The following TTC28 variants were observed in gnomAD, a reference collection of about 807,000 sequenced individuals.
TTC28 encodes the protein tetratricopeptide repeat protein 28.
In TTC28, 61 loss-of-function variants were observed where a neutral mutation model predicts 198.0. The ratio of observed to expected loss-of-function variants is 0.31; its 90% CI spans 0.25 to 0.38. The LOEUF (loss-of-function observed/expected upper bound fraction) is 0.38. Ranked by LOEUF, TTC28 falls within the 10% of genes least tolerant of loss-of-function variation. The pLI is 1.00. For missense variants in TTC28, 2,678 were observed against 3,164.0 expected (o/e 0.85, Z 3.69); for synonymous variants, 1,171 against 1,297.8 (o/e 0.90, Z 2.10).
At chr22:28,037,173 C>T (rs974362573) in intron 12 of TTC28, among the ~76,000 whole-genome samples, 4 of 152,088 alleles carry the variant, frequency 2.6e-5, no homozygotes, top group African/African-American at 7.2e-5. Flanking sequence ...TTTATGAGGC[C>T]AGCATCATCC....
chr22:28,488,182 C>G (rs2048334561), intron 2 of TTC28, among the ~76,000 whole-genome samples: 1 of 152,114 alleles, frequency 6.6e-6, no homozygotes, highest in Non-Finnish European at 1.5e-5. Context: ...AACCGGACCA[C>G]CAGACAGGAG....
intron 2 of TTC28, among the ~76,000 whole-genome samples, chr22:28,622,733 AC>A (rs1332842636): frequency 2.6e-5 from 4 of 152,232 alleles, no homozygotes; most frequent in African/African-American, 9.6e-5. Context: ...ATGTAAAGGC[AC>A]AGACAAGTTG....
At chr22:28,045,480 C>T (rs1157925749) in intron 12 of TTC28, among the ~76,000 whole-genome samples, 1 of 152,148 alleles carries the variant, frequency 6.6e-6, no homozygotes, top group Non-Finnish European at 1.5e-5. Flanking sequence ...CTTTCTTCTT[C>T]ATGGGTAAAA....
chr22:28,035,187 A>G (rs555067316), intron 12 of TTC28, among the ~76,000 whole-genome samples: 1 of 150,894 alleles, frequency 6.6e-6, no homozygotes, highest in South Asian at 2.1e-4. Flanking sequence ...TCCATTCCCC[A>G]CCCCCCTCCA....
chr22:28,546,869 C>T (rs1156643452), intron 2 of TTC28, among the ~76,000 whole-genome samples: 1 of 152,026 alleles, frequency 6.6e-6, no homozygotes, highest in African/African-American at 2.4e-5. Context: ...AGAAGCCAAA[C>T]ACAAAAGATT....
chr22:28,414,823 A>G (rs1321562829), intron 2 of TTC28, among the ~76,000 whole-genome samples: 2 of 152,226 alleles, frequency 1.3e-5, no homozygotes, highest in East Asian at 1.9e-4. Context: ...TCAATTTCCA[A>G]TTTTGCATGG....
chr22:28,363,993 A>C (rs1021448387), intron 2 of TTC28, among the ~76,000 whole-genome samples: 1 of 152,122 alleles, frequency 6.6e-6, no homozygotes, highest in Non-Finnish European at 1.5e-5. Flanking sequence ...TTGAGTTAAT[A>C]CTAAAATGAG....
At chr22:28,279,329 T>C (rs942344533) in intron 5 of TTC28, among the ~76,000 whole-genome samples, 4 of 152,194 alleles carry the variant, frequency 2.6e-5, no homozygotes, top group African/African-American at 9.6e-5. Context: ...ATAAAATTTA[T>C]AAATAATAAA....
chr22:28,293,266 T>C (rs2044822123), intron 5 of TTC28, among the ~76,000 whole-genome samples: 3 of 152,102 alleles, frequency 2.0e-5, no homozygotes, highest in Admixed American at 2.0e-4. Context: ...GACACATACA[T>C]ATATTGGAAT....
chr22:28,176,144 A>G (rs1193751626), intron 5 of TTC28, among the ~76,000 whole-genome samples: 1 of 152,246 alleles, frequency 6.6e-6, no homozygotes, highest in Non-Finnish European at 1.5e-5. Context: ...TACAATGGCC[A>G]AGATAGGGAA....
At chr22:28,105,869 G>A in intron 7 of TTC28, 67 bp from the exon 8 acceptor site, 2 of 1,457,078 alleles carry the variant, frequency 1.4e-6, no homozygotes, top group African/African-American at 1.4e-5. Flanking sequence ...TAAAGCCCCT[G>A]AGAAAATGAA....
chr22:28,042,715 C>T (rs1181128589), intron 12 of TTC28, among the ~76,000 whole-genome samples: 1 of 148,014 alleles, frequency 6.8e-6, no homozygotes, highest in Non-Finnish European at 1.5e-5. Flanking sequence ...TACCCTAGAA[C>T]TTAAATTAAA....
intron 11 of TTC28, among the ~76,000 whole-genome samples, chr22:28,095,700 C>A (rs889785367): frequency 6.6e-6 from 1 of 152,092 alleles, no homozygotes; most frequent in East Asian, 1.9e-4. Context: ...AGATTTACAG[C>A]AGAACTGGTT....
chr22:28,172,456 A>C (rs1454602960), intron 5 of TTC28, among the ~76,000 whole-genome samples: 1 of 152,200 alleles, frequency 6.6e-6, no homozygotes, highest in East Asian at 1.9e-4. Context: ...ACAACACCCC[A>C]GGCGTCGCTG....
At chr22:28,287,244 A>AGTCT (rs1359337134) in intron 5 of TTC28, among the ~76,000 whole-genome samples, 1 of 152,200 alleles carries the variant, frequency 6.6e-6, no homozygotes, top group Non-Finnish European at 1.5e-5. Flanking sequence ...CATGCAGTAC[A>AGTCT]GTCTGATGAA....
At chr22:28,514,540 GGAGAATT>G (rs2146403971) in intron 2 of TTC28, among the ~76,000 whole-genome samples, 1 of 152,350 alleles carries the variant, frequency 6.6e-6, no homozygotes, top group East Asian at 1.9e-4. Flanking sequence ...GCCGGAAGCT[GGAGAATT>G]AAGAAGAGAA....
rs1310090057 is a variant in TTC28 at position 27,981,152 on chromosome 22, G to A, written c.*1069C>T. 6.8e-6 allele frequency: 1 copy of A among 147,314 alleles called. No homozygotes were observed. Among genetic ancestry groups the A allele is most frequent in the African/African-American group, 2.5e-5 (1 of 40,374 alleles). The allele number at this position is 147,314 out of a possible 1,614,324, so 9.1% of individuals were successfully genotyped here. On this transcript the variant is annotated 3_prime_UTR_variant, in exon 23 of 23. Coordinates refer to ENST00000397906, the MANE Select transcript of TTC28 (RefSeq NM_001145418.2). ...TGAGGGACCTGGAGTTGGGAAAAGGGAATAAAATTCAGCAGCTAATAAAAG... is the reference window on the plus strand; with the variant it reads ...TGAGGGACCTGGAGTTGGGAAAAGGAAATAAAATTCAGCAGCTAATAAAAG...
chr22:28,591,686 A>G (rs1376963387), intron 2 of TTC28, among the ~76,000 whole-genome samples: 2 of 152,158 alleles, frequency 1.3e-5, no homozygotes, highest in Non-Finnish European at 2.9e-5. Flanking sequence ...ATGTAGTAAA[A>G]CCTCAAAACC....
intron 5 of TTC28, among the ~76,000 whole-genome samples, chr22:28,277,735 G>C (rs933547213): frequency 6.6e-6 from 1 of 152,078 alleles, no homozygotes; most frequent in Non-Finnish European, 1.5e-5. Context: ...GTAATGTTAT[G>C]AAAAATCATC....
Sources: allele counts gnomAD v4.1 joint callset (sites outside exome capture counted in the v4.1 genomes callset), GRCh38; gene constraint gnomAD v4.1.1; transcripts MANE v1.5; gene names NCBI Gene and HGNC (gene_info 2026-07-23, HGNC 2026-07-21).